SLC16A2: variants seen among roughly 807,000 people sequenced by gnomAD.
SLC16A2 encodes the protein monocarboxylate transporter 8.
A neutral mutation model predicts 27.2 loss-of-function variants in SLC16A2; 3 were observed. That is an observed-to-expected ratio of 0.11 (90% CI 0.05 to 0.28). The LOEUF is 0.28. Among genes scored for constraint, SLC16A2 ranks in the 10% least tolerant of loss-of-function variants. The pLI is 1.00. For missense variants in SLC16A2, 295 were observed against 458.5 expected, an observed-to-expected ratio of 0.64 and a Z score of 3.26; for synonymous variants, 202 against 187.8, an observed-to-expected ratio of 1.08 and a Z score of -0.62.
At chrX:74,422,500 A>C (rs1016657625) in intron 1 of SLC16A2, among the ~76,000 whole-genome samples, 10 of 108,972 alleles carry the variant, frequency 9.2e-5, no homozygotes, top group African/African-American at 3.4e-4. Flanking sequence ...CTCTGAGAGA[A>C]GCACTGTACC....
At chrX:74,473,407 G>A in intron 1 of SLC16A2, 1 of 540,180 alleles carries the variant, frequency 1.9e-6, no homozygotes, top group Non-Finnish European at 3.3e-6. Context: ...GCTTTGACAG[G>A]GCTTTCCTAA....
At chrX:74,501,375 G>C (rs1436468968) in intron 1 of SLC16A2, among the ~76,000 whole-genome samples, 1 of 111,417 alleles carries the variant, frequency 9.0e-6, no homozygotes, top group Non-Finnish European at 1.9e-5. Context: ...ATTTACCTGG[G>C]ATTGGCAGAC....
At chrX:74,473,926 G>A (rs943155238) in intron 1 of SLC16A2, 43 of 409,455 alleles carry the variant, frequency 1.1e-4, no homozygotes, top group Non-Finnish European at 1.8e-4. Flanking sequence ...AGCTGTTCGG[G>A]CCCTTTAGGA....
At chrX:74,478,465 G>A (rs1352001795) in intron 1 of SLC16A2, among the ~76,000 whole-genome samples, 1 of 111,719 alleles carries the variant, frequency 9.0e-6, no homozygotes, top group Non-Finnish European at 1.9e-5. Context: ...TTAATTGGGA[G>A]CATTTAGCCC....
At chrX:74,444,629 C>T (rs1356461998) in intron 1 of SLC16A2, among the ~76,000 whole-genome samples, 1 of 112,131 alleles carries the variant, frequency 8.9e-6, no homozygotes, top group East Asian at 2.8e-4. Flanking sequence ...AAGTTTGACA[C>T]AGGGTTAAAT....
chrX:74,442,163 G>T (rs1928760785), intron 1 of SLC16A2, among the ~76,000 whole-genome samples: 1 of 104,505 alleles, frequency 9.6e-6, no homozygotes, highest in Non-Finnish European at 2.0e-5. Flanking sequence ...AGGAGGCAGA[G>T]GTTGCCGTGA....
chrX:74,522,666 C>T (rs993807145), intron 2 of SLC16A2, among the ~76,000 whole-genome samples: 2 of 112,051 alleles, frequency 1.8e-5, no homozygotes, highest in African/African-American at 6.5e-5. Context: ...TCCACATGGG[C>T]TCAATTACAG....
chrX:74,427,840 CA>C (rs1299888460), intron 1 of SLC16A2, among the ~76,000 whole-genome samples: 62 of 109,689 alleles, frequency 5.7e-4, no homozygotes, highest in East Asian at 8.9e-4. Context: ...CACACACACA[CA>C]CCCATACCCT....
At chrX:74,422,434 T>G (rs1191788577) in intron 1 of SLC16A2, among the ~76,000 whole-genome samples, 2 of 109,913 alleles carry the variant, frequency 1.8e-5, no homozygotes, top group Admixed American at 9.7e-5. Flanking sequence ...ACTTTTTTTT[T>G]TTTTGGAGGT....
chrX:74,446,297 G>A (rs1928836222), intron 1 of SLC16A2, among the ~76,000 whole-genome samples: 1 of 111,238 alleles, frequency 9.0e-6, no homozygotes, highest in East Asian at 2.8e-4. Context: ...GTCCTTCCCT[G>A]GGAAGCCTGG....
chrX:74,480,148 G>C (rs899570834), intron 1 of SLC16A2, among the ~76,000 whole-genome samples: 7 of 112,069 alleles, frequency 6.2e-5, no homozygotes, highest in African/African-American at 1.9e-4. Flanking sequence ...GAGCTTCCTG[G>C]CCGCTTTGTT....
rs921436512 is a variant in SLC16A2 at position 74,459,944 on chromosome X, G to A, written c.430+37877G>A. Among the ~76,000 whole-genome samples, 7 of 111,736 alleles carry A rather than the reference G, an allele frequency of 6.3e-5. No individual in the cohort carries two copies. In the East Asian group the frequency reaches 8.5e-4, roughly 14 times the overall value. On this transcript the variant is annotated intron_variant, in intron 1 of 5. Transcript: ENST00000587091. ...GAACAAGTACTGGGATGTCAGGGCC[G>A]TGGAAGGAAAGAGCCAAGACTCAAG...
Position 74,533,667 on chromosome X carries a change from A to G in SLC16A2, c.*2114A>G, listed in dbSNP as rs918162957. On this transcript the variant is annotated 3_prime_UTR_variant, in exon 6 of 6. Coordinates refer to ENST00000587091, the MANE Select transcript of SLC16A2 (RefSeq NM_006517.5). ...ACATTCATAGGTCCCAAATCTGCCC[A>G]TTCAGATGTCACATAATATGGTGGG... is the stretch of plus-strand genomic sequence containing the variant. The G allele has an allele frequency of 8.9e-6, 1 of 112,846 alleles. No individual in the cohort carries two copies. The highest frequency in any genetic ancestry group is 3.2e-5 in the African/African-American group (1 of 30,955). The allele number at this position is 112,846 out of a possible 1,213,427, so 9.3% of individuals were successfully genotyped here.
At chrX:74,435,553 A>AT (rs574089496) in intron 1 of SLC16A2, among the ~76,000 whole-genome samples, 2,386 of 87,772 alleles carry the variant, frequency 0.027, 109 homozygotes, top group African/African-American at 0.089. Context: ...ATATATATAT[A>AT]TTTTTTTTTT....
intron 1 of SLC16A2, among the ~76,000 whole-genome samples, chrX:74,499,310 AC>A (rs1929987770): frequency 9.1e-6 from 1 of 110,336 alleles, no homozygotes; most frequent in Admixed American, 9.7e-5. Flanking sequence ...GGCTGCACCC[AC>A]CACTACTCTT....
intron 1 of SLC16A2, among the ~76,000 whole-genome samples, chrX:74,443,853 TC>T (rs1328892183): frequency 9.0e-6 from 1 of 111,383 alleles, no homozygotes; most frequent in Non-Finnish European, 1.9e-5. Context: ...AATATTTCCT[TC>T]CCTGCCCGCC....
At chrX:74,519,983 A>G (rs34984038) in intron 1 of SLC16A2, among the ~76,000 whole-genome samples, 25 of 111,434 alleles carry the variant, frequency 2.2e-4, no homozygotes, top group Non-Finnish European at 4.3e-4. Flanking sequence ...TAAGGCTCCA[A>G]CAAAGTAAAG....
intron 1 of SLC16A2, among the ~76,000 whole-genome samples, chrX:74,499,171 G>A (rs1929986068): frequency 8.9e-6 from 1 of 111,879 alleles, no homozygotes; most frequent in East Asian, 2.8e-4. Flanking sequence ...CAGTAATCTG[G>A]CAAAGTCAGT....
chrX:74,467,679 G>T (rs1929277693), intron 1 of SLC16A2, among the ~76,000 whole-genome samples: 1 of 111,857 alleles, frequency 8.9e-6, no homozygotes, highest in Non-Finnish European at 1.9e-5. Flanking sequence ...TAACTACATA[G>T]TACAAAAAAT....
Sources: allele counts gnomAD v4.1 joint callset (sites outside exome capture counted in the v4.1 genomes callset), GRCh38; gene constraint gnomAD v4.1.1; transcripts MANE v1.5; gene names NCBI Gene and HGNC (gene_info 2026-07-23, HGNC 2026-07-21).